RAB10: variants seen among roughly 807,000 people sequenced by gnomAD.
The protein encoded by RAB10 is ras-related protein Rab-10.
In RAB10, 5 loss-of-function variants were observed where a neutral mutation model predicts 25.7. The ratio of observed to expected loss-of-function variants is 0.19; its 90% CI spans 0.10 to 0.41. The LOEUF (loss-of-function observed/expected upper bound fraction) is 0.41. RAB10 is among the 10% of genes least tolerant of loss of function. The probability of loss-of-function intolerance (pLI) is 1.00; values close to 1 mark genes in which losing one functional copy is unlikely to be tolerated. For missense variants in RAB10, 103 were observed against 245.8 expected (o/e 0.42, Z 3.89); for synonymous variants, 89 against 86.4 (o/e 1.03, Z -0.16).
intron 1 of RAB10, among the ~76,000 whole-genome samples, chr2:26,061,644 G>A (rs1190588305): frequency 6.6e-6 from 1 of 152,004 alleles, no homozygotes; most frequent in Non-Finnish European, 1.5e-5. Flanking sequence ...TCCTGCCTTG[G>A]CCTCCCAAAG....
In RAB10 at chr2:26,137,109, CA is replaced by C. The variant is rs1211495515; in HGVS notation, c.*2089del. 2 of 152,630 alleles carry C rather than the reference CA, an allele frequency of 1.3e-5. No homozygotes were observed. The highest frequency in any genetic ancestry group is 2.9e-5 in the Non-Finnish European group (2 of 68,046). 9.5% of individuals were successfully genotyped at this position (152,630 alleles called of 1,614,324 possible). A position where few individuals can be genotyped will look rare whatever the true frequency, so the allele number is the denominator to read the frequency against. On this transcript the variant is annotated 3_prime_UTR_variant, in exon 6 of 6. Transcript: ENST00000264710. ...CTGGGATTTTTGGATAACAGACTGA[CA>C]GTTTTGCATAATTATAATCGGCATT...
chr2:26,035,923 A>AT (rs1354291054), intron 1 of RAB10, among the ~76,000 whole-genome samples: 5 of 152,202 alleles, frequency 3.3e-5, no homozygotes, highest in Admixed American at 6.5e-5. Context: ...TGGACAAGTG[A>AT]TTTTTTAAAT....
intron 1 of RAB10, among the ~76,000 whole-genome samples, chr2:26,073,927 C>T (rs1358092935): frequency 1.3e-5 from 2 of 152,188 alleles, no homozygotes; most frequent in East Asian, 1.9e-4. Context: ...ACATTGATTA[C>T]AGTTTAGAGG....
intron 1 of RAB10, among the ~76,000 whole-genome samples, chr2:26,095,925 A>G (rs1472999894): frequency 6.6e-6 from 1 of 152,106 alleles, no homozygotes; most frequent in Non-Finnish European, 1.5e-5. Context: ...AACAAAACAG[A>G]ACAAAAAGCA....
At chr2:26,062,653 G>A (rs1666426924) in intron 1 of RAB10, among the ~76,000 whole-genome samples, 1 of 151,078 alleles carries the variant, frequency 6.6e-6, no homozygotes, top group Non-Finnish European at 1.5e-5. Context: ...ACTCCAGCCT[G>A]GGCAATAGAG....
At chr2:26,108,537 T>A (rs1347959255) in intron 2 of RAB10, among the ~76,000 whole-genome samples, 1 of 152,188 alleles carries the variant, frequency 6.6e-6, no homozygotes, top group Admixed American at 6.5e-5. Flanking sequence ...GTTCTTTGTC[T>A]TGTGGTAGTT....
intron 1 of RAB10, among the ~76,000 whole-genome samples, chr2:26,079,643 TCCC>T (rs1199890402): frequency 6.6e-6 from 1 of 152,146 alleles, no homozygotes; most frequent in Admixed American, 6.5e-5. Flanking sequence ...CCATCCCTCC[TCCC>T]TTTTCTCCCT....
chr2:26,127,318 G>A (rs886856158), intron 4 of RAB10, 85 bp downstream of exon 4: 24 of 979,242 alleles, frequency 2.5e-5, no homozygotes, highest in Admixed American at 2.7e-5. Flanking sequence ...AATAGTGATC[G>A]AACACACTAA....
intron 1 of RAB10, among the ~76,000 whole-genome samples, chr2:26,059,374 G>A (rs191709287): frequency 2.0e-5 from 3 of 152,324 alleles, no homozygotes; most frequent in Admixed American, 2.0e-4. Context: ...GGGAGAGACA[G>A]ATGTATCAAA....
intron 1 of RAB10, among the ~76,000 whole-genome samples, chr2:26,075,005 G>GTCGAAGTTCT (rs1351134960): frequency 1.3e-5 from 2 of 152,142 alleles, no homozygotes; most frequent in Non-Finnish European, 2.9e-5. Flanking sequence ...CTTGGGAAAG[G>GTCGAAGTTCT]TCGAAGTTCT....
chr2:26,104,737 A>AT (rs35749938), intron 2 of RAB10, among the ~76,000 whole-genome samples: 5,563 of 133,366 alleles, frequency 0.042, 154 homozygotes, highest in African/African-American at 0.074. Flanking sequence ...TTTTGAGGTA[A>AT]TTTTTTTTTT....
chr2:26,084,615 T>C (rs1332758000), intron 1 of RAB10, among the ~76,000 whole-genome samples: 1 of 152,182 alleles, frequency 6.6e-6, no homozygotes. Context: ...AATACAAAAG[T>C]GTGCACATGG....
At chr2:26,100,576 A>G (rs1042990911) in intron 2 of RAB10, among the ~76,000 whole-genome samples, 12 of 152,206 alleles carry the variant, frequency 7.9e-5, no homozygotes, top group Admixed American at 5.2e-4. Flanking sequence ...TCTGGCTGTT[A>G]TTGTGACAGT....
rs947625571 is a variant in RAB10 at position 26,098,833 on chromosome 2, G to T, written c.188+111G>T. The T allele has an allele frequency of 1.1e-5, 10 of 902,746 alleles. No homozygotes were observed. In the East Asian group the frequency reaches 1.9e-4, roughly 17 times the overall value. The allele number at this position is 902,746 out of a possible 1,614,324, so 55.9% of individuals were successfully genotyped here. ...ATTCTGTGAGACTTTTGTTTTTAAA[G>T]CAGGCAGTCAGGTGACCTTTTTGTG... is the stretch of plus-strand genomic sequence containing the variant. On this transcript the variant is annotated intron_variant, in intron 2 of 5. Transcript: ENST00000264710.
chr2:26,084,850 T>C (rs1242957820), intron 1 of RAB10, among the ~76,000 whole-genome samples: 1 of 152,228 alleles, frequency 6.6e-6, no homozygotes, highest in Non-Finnish European at 1.5e-5. Context: ...CTGGACAAAG[T>C]TGCTTATGAG....
chr2:26,126,676 C>G (rs964328757), intron 3 of RAB10, among the ~76,000 whole-genome samples: 1 of 152,164 alleles, frequency 6.6e-6, no homozygotes, highest in African/African-American at 2.4e-5. Context: ...TCATTGGGAT[C>G]TTAAGGGGAC....
At chr2:26,083,111 TG>T (rs1348545183) in intron 1 of RAB10, among the ~76,000 whole-genome samples, 3 of 152,200 alleles carry the variant, frequency 2.0e-5, no homozygotes, top group Non-Finnish European at 4.4e-5. Context: ...CACACTTTAA[TG>T]GCAGAGCATT....
chr2:26,088,732 A>T (rs1481399833), intron 1 of RAB10, among the ~76,000 whole-genome samples: 7 of 151,870 alleles, frequency 4.6e-5, no homozygotes, highest in Non-Finnish European at 8.8e-5. Context: ...TCAAGTGATT[A>T]TCCTGTCTCA....
At chr2:26,097,921 CATT>C (rs1169337599) in intron 1 of RAB10, among the ~76,000 whole-genome samples, 2 of 152,110 alleles carry the variant, frequency 1.3e-5, no homozygotes, top group Non-Finnish European at 2.9e-5. Flanking sequence ...ACTGCTTTAT[CATT>C]ATGAAATGAC....
Sources: allele counts gnomAD v4.1 joint callset (sites outside exome capture counted in the v4.1 genomes callset), GRCh38; gene constraint gnomAD v4.1.1; transcripts MANE v1.5; gene names NCBI Gene and HGNC (gene_info 2026-07-23, HGNC 2026-07-21).